The following GPSM2 variants were observed in gnomAD, a reference collection of about 807,000 sequenced individuals.
The protein encoded by GPSM2 is G protein-signaling modulator 2.
A neutral mutation model predicts 78.4 loss-of-function variants in GPSM2; 58 were observed. The observed-to-expected ratio is 0.74, with a 90% CI of 0.60 to 0.92. The LOEUF (loss-of-function observed/expected upper bound fraction) is 0.92. Ranked by LOEUF, GPSM2 falls within the 40% of genes least tolerant of loss-of-function variation. The pLI, the probability that GPSM2 is intolerant of heterozygous loss-of-function variation, is 0.00. For synonymous variants in GPSM2, 224 were observed against 280.2 expected (o/e 0.80, Z 2.00); for missense variants, 700 against 815.5 (o/e 0.86, Z 1.73).
intron 8 of GPSM2, among the ~76,000 whole-genome samples, 178 bp from the exon 9 acceptor site, chr1:108,902,947 CT>C (rs904195052): frequency 1.3e-5 from 2 of 151,766 alleles, no homozygotes; most frequent in African/African-American, 4.8e-5. Context: ...TGTGGGTATT[CT>C]TTTTTTTAAT....
At chr1:108,903,646 T>G (rs1258154523) in intron 9 of GPSM2, among the ~76,000 whole-genome samples, 1 of 152,186 alleles carries the variant, frequency 6.6e-6, no homozygotes, top group African/African-American at 2.4e-5. Flanking sequence ...ATCTGCATAA[T>G]GGGAATAATA....
In GPSM2 at chr1:108,932,545, T is replaced by G. The variant is rs141897722; in HGVS notation, c.*2605T>G. 1.4e-3 allele frequency: 215 copies of G among 152,342 alleles called. 1 individual carries two copies. The highest frequency in any genetic ancestry group is 4.9e-3 in the African/African-American group (204 of 41,578). 9.4% of individuals were successfully genotyped at this position (152,342 alleles called of 1,614,324 possible). On this transcript the variant is annotated 3_prime_UTR_variant, in exon 15 of 15. Coordinates refer to ENST00000264126, the MANE Select transcript of GPSM2 (RefSeq NM_013296.5). ...AAGGTGAAATTTTATTTAAAAATTTTTTAAAAGAATTTGGTTTTGGATTAA... is the reference window on the plus strand; with the variant it reads ...AAGGTGAAATTTTATTTAAAAATTTGTTAAAAGAATTTGGTTTTGGATTAA...
chr1:108,880,741 C>G (rs988311287), intron 1 of GPSM2, among the ~76,000 whole-genome samples: 11 of 152,316 alleles, frequency 7.2e-5, no homozygotes, highest in Middle Eastern at 3.4e-3. Context: ...ATATATAGTT[C>G]AGATGATCTA....
chr1:108,913,558 C>T (rs1690721), intron 10 of GPSM2, among the ~76,000 whole-genome samples: 54,001 of 151,628 alleles, frequency 0.36, 11,160 homozygotes, highest in African/African-American at 0.57. Context: ...CAATATAGCT[C>T]TAAAACCAAT....
rs1470336954 is a variant in GPSM2, at chr1:108,918,691, A to C, written c.1342A>C (p.Asn448His). The C allele has an allele frequency of 6.2e-7, 1 of 1,613,464 alleles. No individual in the cohort carries two copies. The highest frequency in any genetic ancestry group is 8.5e-7 in the Non-Finnish European group (1 of 1,179,422). Residue 448 changes from asparagine (N) to histidine (H), a missense_variant, in exon 12 of 15, where the codon AAC becomes CAC. Physicochemically the swap from Asn to His is moderately conservative, Grantham distance 68 (BLOSUM62 1). Coordinates refer to ENST00000264126, the MANE Select transcript of GPSM2 (RefSeq NM_013296.5). ...AKPSAKLLFV[N>H]RLKGKKYKTN... ...ACCTTCTGCAAAGCTACTCTTTGTC[A>C]ACAGACTGAAGGGGAAAAAATACAA...
At chr1:108,885,642 A>G in intron 2 of GPSM2, 64 bp downstream of exon 2, 6 of 944,504 alleles carry the variant, frequency 6.4e-6, no homozygotes, top group Admixed American at 1.7e-5. Flanking sequence ...TTTAACTCTG[A>G]TGACCATTTC....
In GPSM2 at chr1:108,922,513, G is replaced by A. The variant is rs1444947691; in HGVS notation, c.1537G>A (p.Glu513Lys). 6.2e-7 allele frequency: 1 copy of A among 1,610,870 alleles called. No homozygotes were observed. Among genetic ancestry groups the A allele is most frequent in the Non-Finnish European group, 8.5e-7 (1 of 1,178,894 alleles). Residue 513 changes from glutamate to lysine, a missense_variant, in exon 13 of 15, where the codon GAA becomes AAA. Glu to Lys is a moderately conservative substitution (Grantham distance 56). Transcript: ENST00000264126. ...RMDDQRCCLQ[E>K]KNCHTASTTT... ...GGATGATCAGAGATGTTGCTTACAAGAAAAGAACTGCCATACAGCTTCAAC... is the reference window on the plus strand; with the variant it reads ...GGATGATCAGAGATGTTGCTTACAAAAAAAGAACTGCCATACAGCTTCAAC...
At chr1:108,926,794 C>G (rs1352958858) in intron 14 of GPSM2, 3 of 152,196 alleles carry the variant, frequency 2.0e-5, no homozygotes, top group African/African-American at 4.8e-5. Context: ...ACTGAAAGCT[C>G]TCCTCCAAGA....
At chr1:108,923,392 T>TTA (rs537330072) in intron 13 of GPSM2, among the ~76,000 whole-genome samples, 53 of 152,302 alleles carry the variant, frequency 3.5e-4, no homozygotes, top group African/African-American at 1.1e-3. Flanking sequence ...TACCTTATGA[T>TTA]TATATATAAA....
intron 1 of GPSM2, among the ~76,000 whole-genome samples, chr1:108,881,125 T>TAGAAAGATCA (rs1665875517): frequency 6.6e-6 from 1 of 152,234 alleles, no homozygotes; most frequent in Non-Finnish European, 1.5e-5. Context: ...TAGAGTTATG[T>TAGAAAGATCA]ACTAGTTGAT....
At chr1:108,886,186 C>T (rs1016172713) in intron 2 of GPSM2, among the ~76,000 whole-genome samples, 4 of 152,142 alleles carry the variant, frequency 2.6e-5, no homozygotes, top group African/African-American at 4.8e-5. Context: ...TGTGCCACTG[C>T]ACCTGGCTTT....
Position 108,914,337 on chromosome 1 carries a change from G to T in GPSM2, c.1193-1G>T. Reference sequence around the variant, plus strand: ...TTTGAATTAATTTTTTTTAAACAAAGGTGTACGCCCCAAGTTGGGACGCCG... The same window carrying T: ...TTTGAATTAATTTTTTTTAAACAAATGTGTACGCCCCAAGTTGGGACGCCG... On this transcript the variant is annotated splice_acceptor_variant, in intron 10 of 14. Transcript: ENST00000264126. LOFTEE classifies it high-confidence loss of function. 6.2e-7 allele frequency: 1 copy of T among 1,605,318 alleles called. No individual in the cohort carries two copies. The highest frequency in any genetic ancestry group is 8.5e-7 in the Non-Finnish European group (1 of 1,172,206).
intron 2 of GPSM2, among the ~76,000 whole-genome samples, chr1:108,891,426 A>C (rs1178491979): frequency 6.6e-6 from 1 of 152,180 alleles, no homozygotes; most frequent in Non-Finnish European, 1.5e-5. Flanking sequence ...CCATGACCTT[A>C]AGCAAGTCAT....
intron 7 of GPSM2, among the ~76,000 whole-genome samples, chr1:108,900,803 G>A (rs1381375868): frequency 1.3e-5 from 2 of 152,118 alleles, no homozygotes; most frequent in Non-Finnish European, 2.9e-5. Context: ...GCCTCCCAAG[G>A]TGACAGATTT....
At chr1:108,879,763 C>T (rs757761854) in intron 1 of GPSM2, among the ~76,000 whole-genome samples, 3 of 151,990 alleles carry the variant, frequency 2.0e-5, no homozygotes, top group East Asian at 1.9e-4. Flanking sequence ...TGCAGTGAGC[C>T]GAGATCGCGC....
At chr1:108,909,902 C>CAAAAAAAAAAAAAAAAAAA (rs34151964) in intron 10 of GPSM2, 1 of 50,628 alleles carries the variant, frequency 2.0e-5, no homozygotes, top group Non-Finnish European at 3.8e-5. Context: ...ACGCCATCTC[C>CAAAAAAAAAAAAAAAAAAA]AAAAAAAAAA....
In GPSM2 at chr1:108,880,596, A is replaced by G. The variant is rs74558958; in HGVS notation, c.-249+3368A>G. ...CTCCGTCTCAAAAAAAAAAAAAACAATGCTTAGTGGAAAGGACCATTTCTT... is the reference window on the plus strand; with the variant it reads ...CTCCGTCTCAAAAAAAAAAAAAACAGTGCTTAGTGGAAAGGACCATTTCTT... On this transcript the variant is annotated intron_variant, in intron 1 of 14. Transcript: ENST00000264126. Among the ~76,000 whole-genome samples, 257 of 152,192 alleles carry G rather than the reference A, an allele frequency of 1.7e-3. 2 individuals carry two copies. The highest frequency in any genetic ancestry group is 5.8e-3 in the African/African-American group (242 of 41,510).
At chr1:108,921,858 A>G (rs1650733904) in intron 12 of GPSM2, among the ~76,000 whole-genome samples, 1 of 152,216 alleles carries the variant, frequency 6.6e-6, no homozygotes, top group African/African-American at 2.4e-5. Flanking sequence ...TATCATTATG[A>G]AAAAATTAAA....
At chr1:108,901,617 G>A (rs779100112) in intron 7 of GPSM2, among the ~76,000 whole-genome samples, 173 bp from the exon 8 acceptor site, 10 of 152,054 alleles carry the variant, frequency 6.6e-5, no homozygotes, top group African/African-American at 1.7e-4. Flanking sequence ...TTTCAAAAAC[G>A]TCTTTTCATT....
Sources: allele counts gnomAD v4.1 joint callset (sites outside exome capture counted in the v4.1 genomes callset), GRCh38; gene constraint gnomAD v4.1.1; transcripts MANE v1.5; gene names NCBI Gene and HGNC (gene_info 2026-07-23, HGNC 2026-07-21).